The following TMEFF1 variants were observed in gnomAD, a reference collection of about 807,000 sequenced individuals.
The protein encoded by TMEFF1 is tomoregulin-1.
Under a neutral mutation model 47.5 loss-of-function variants are expected in TMEFF1, and 20 were observed. The ratio of observed to expected loss-of-function variants is 0.42; its 90% CI spans 0.30 to 0.61. The LOEUF is 0.61. TMEFF1 is among the 20% of genes least tolerant of loss of function. TMEFF1 has a pLI of 0.19. For missense variants in TMEFF1, 411 were observed against 471.1 expected, an observed-to-expected ratio of 0.87 and a Z score of 1.18; for synonymous variants, 162 against 166.3, an observed-to-expected ratio of 0.97 and a Z score of 0.20.
intron 1 of TMEFF1, among the ~76,000 whole-genome samples, chr9:100,480,765 C>T (rs1837324323): frequency 6.6e-6 from 1 of 152,118 alleles, no homozygotes; most frequent in African/African-American, 2.4e-5. Flanking sequence ...ACTAAAATGG[C>T]TAAAATAGAT....
At chr9:100,537,124 C>T (rs1376781918) in intron 5 of TMEFF1, among the ~76,000 whole-genome samples, 7 of 152,154 alleles carry the variant, frequency 4.6e-5, no homozygotes, top group African/African-American at 1.7e-4. Flanking sequence ...GCAGGCCATA[C>T]CTACAGAGTT....
At chr9:100,574,521 G>A (rs560597114) in intron 9 of TMEFF1, among the ~76,000 whole-genome samples, 1 of 152,016 alleles carries the variant, frequency 6.6e-6, no homozygotes, top group African/African-American at 2.4e-5. Context: ...ACAGGCATGC[G>A]CCACCATGCC....
At chr9:100,550,056 T>C (rs1468139714) in intron 6 of TMEFF1, 39 bp from the exon 7 acceptor site, 1 of 1,591,550 alleles carries the variant, frequency 6.3e-7, no homozygotes, top group Non-Finnish European at 8.5e-7. Context: ...GACTTAACCA[T>C]TGTATATATT....
At chr9:100,558,263 T>G (rs1341099125) in intron 7 of TMEFF1, among the ~76,000 whole-genome samples, 2 of 152,118 alleles carry the variant, frequency 1.3e-5, no homozygotes, top group Admixed American at 6.6e-5. Flanking sequence ...CACCGTCCTA[T>G]TACTAGGACT....
intron 7 of TMEFF1, among the ~76,000 whole-genome samples, chr9:100,559,793 A>T (rs369558308): frequency 6.6e-6 from 1 of 152,162 alleles, no homozygotes; most frequent in Non-Finnish European, 1.5e-5. Flanking sequence ...TTGAGAATTT[A>T]TATGTTAGGT....
chr9:100,570,458 G>A (rs1839217330), intron 8 of TMEFF1, among the ~76,000 whole-genome samples: 1 of 152,018 alleles, frequency 6.6e-6, no homozygotes, highest in East Asian at 1.9e-4. Context: ...CAATTTTTGT[G>A]TATGACACGA....
intron 1 of TMEFF1, among the ~76,000 whole-genome samples, chr9:100,477,971 T>G (rs1428132553): frequency 1.3e-5 from 2 of 152,164 alleles, no homozygotes; most frequent in African/African-American, 2.4e-5. Flanking sequence ...TTATTTCTAT[T>G]TATTTGATTT....
chr9:100,476,699 G>T (rs1054338896), intron 1 of TMEFF1, among the ~76,000 whole-genome samples: 4 of 115,842 alleles, frequency 3.5e-5, no homozygotes, highest in Non-Finnish European at 3.5e-5. Flanking sequence ...GGCCTATTTC[G>T]TTTTTTTTTT....
chr9:100,553,271 A>G (rs1021605217), intron 7 of TMEFF1, among the ~76,000 whole-genome samples: 2 of 152,138 alleles, frequency 1.3e-5, no homozygotes, highest in East Asian at 3.8e-4. Flanking sequence ...AGGTAACTCT[A>G]TTTTTATTGT....
intron 5 of TMEFF1, among the ~76,000 whole-genome samples, chr9:100,536,915 T>C (rs1838522619): frequency 6.6e-6 from 1 of 152,226 alleles, no homozygotes; most frequent in Non-Finnish European, 1.5e-5. Flanking sequence ...ATATGACATA[T>C]GGCTATGTTT....
intron 1 of TMEFF1, among the ~76,000 whole-genome samples, chr9:100,490,738 G>GA (rs1837532964): frequency 6.7e-6 from 1 of 149,936 alleles, no homozygotes; most frequent in Non-Finnish European, 1.5e-5. Flanking sequence ...AACCAATATA[G>GA]AAACTTGAAA....
intron 5 of TMEFF1, among the ~76,000 whole-genome samples, chr9:100,546,075 A>G (rs1230259410): frequency 6.6e-6 from 1 of 152,100 alleles, no homozygotes; most frequent in South Asian, 2.1e-4. Context: ...ACTCGTGCCT[A>G]TTACCCAGTT....
chr9:100,547,323 T>C (rs1350712738), intron 5 of TMEFF1, among the ~76,000 whole-genome samples: 1 of 152,162 alleles, frequency 6.6e-6, no homozygotes, highest in Non-Finnish European at 1.5e-5. Context: ...GCCATTATTA[T>C]TACCTCCATT....
At chr9:100,538,923 T>TA (rs936422830) in intron 5 of TMEFF1, among the ~76,000 whole-genome samples, 19 of 152,208 alleles carry the variant, frequency 1.2e-4, no homozygotes, top group Admixed American at 9.8e-4. Flanking sequence ...TTTTTTTTTT[T>TA]AGACAGAGTT....
At chr9:100,564,472 G>C (rs369914625) in intron 8 of TMEFF1, among the ~76,000 whole-genome samples, 38 of 152,274 alleles carry the variant, frequency 2.5e-4, no homozygotes, top group African/African-American at 8.2e-4. Context: ...AGAGATCCAG[G>C]GATCTTGCCT....
At chr9:100,500,140 C>T (rs1419868653) in intron 2 of TMEFF1, among the ~76,000 whole-genome samples, 4 of 152,126 alleles carry the variant, frequency 2.6e-5, no homozygotes, top group Non-Finnish European at 5.9e-5. Flanking sequence ...AATGAGAAGT[C>T]GGTGATAATT....
chr9:100,564,280 G>A (rs1839078345), intron 8 of TMEFF1, among the ~76,000 whole-genome samples: 1 of 152,134 alleles, frequency 6.6e-6, no homozygotes, highest in South Asian at 2.1e-4. Flanking sequence ...TTGCCATGTT[G>A]GCCAGGCTAG....
chr9:100,532,916 T>G (rs1360468532), intron 5 of TMEFF1, among the ~76,000 whole-genome samples: 1 of 151,952 alleles, frequency 6.6e-6, no homozygotes, highest in Non-Finnish European at 1.5e-5. Context: ...CCATAAAAAA[T>G]GATGAGTTCA....
chr9:100,536,287 G>A (rs148457990), intron 5 of TMEFF1, among the ~76,000 whole-genome samples: 35 of 152,196 alleles, frequency 2.3e-4, no homozygotes, highest in African/African-American at 8.2e-4. Context: ...GTAATGTCTT[G>A]GAAGTTTTTA....
Sources: gnomAD v4.1 joint callset for allele counts (sites outside exome capture counted in the v4.1 genomes callset) on GRCh38, gnomAD v4.1.1 for gene constraint, MANE v1.5 for transcripts, NCBI Gene and HGNC (gene_info 2026-07-23, HGNC 2026-07-21) for gene names.